Variants in ANO2 observed in about 807,000 individuals in gnomAD.
ANO2 encodes anoctamin 2.
Under a neutral mutation model 124.2 loss-of-function variants are expected in ANO2, and 101 were observed. The observed-to-expected ratio is 0.81, with a 90% CI of 0.69 to 0.96. The LOEUF (loss-of-function observed/expected upper bound fraction) is 0.96. ANO2 is among the 40% of genes least tolerant of loss of function. ANO2 has a pLI of 0.00. For missense variants in ANO2, 1,293 were observed against 1,274.5 expected (o/e 1.01, Z -0.22); for synonymous variants, 486 against 482.5 (o/e 1.01, Z -0.09).
At chr12:5,921,584 A>G (rs1941704060) in intron 2 of ANO2, among the ~76,000 whole-genome samples, 1 of 152,164 alleles carries the variant, frequency 6.6e-6, no homozygotes, top group Non-Finnish European at 1.5e-5. Flanking sequence ...CAGTCTGGGC[A>G]TCGGTGCCTT....
chr12:5,834,222 A>T (rs1246575201), intron 4 of ANO2, among the ~76,000 whole-genome samples: 1 of 152,244 alleles, frequency 6.6e-6, no homozygotes, highest in African/African-American at 2.4e-5. Context: ...TTAGGCTACT[A>T]AGTGTGGGCT....
intron 7 of ANO2, among the ~76,000 whole-genome samples, chr12:5,813,231 G>T (rs1054509632): frequency 8.5e-5 from 13 of 152,138 alleles, no homozygotes; most frequent in African/African-American, 2.7e-4. Context: ...GGTTATCTTT[G>T]GGGGGTCAGA....
chr12:5,874,494 C>A (rs1488535499), intron 3 of ANO2, among the ~76,000 whole-genome samples: 3 of 152,196 alleles, frequency 2.0e-5, no homozygotes, highest in African/African-American at 7.2e-5. Flanking sequence ...CTCAACAGGG[C>A]CTCAAATCCA....
At chr12:5,759,388 CA>C (rs1951674364) in intron 10 of ANO2, among the ~76,000 whole-genome samples, 3 of 151,906 alleles carry the variant, frequency 2.0e-5, no homozygotes, top group Admixed American at 2.0e-4. Flanking sequence ...AGAAACTATG[CA>C]AGCCAAAAGT....
intron 10 of ANO2, among the ~76,000 whole-genome samples, chr12:5,777,861 A>G (rs914493504): frequency 6.6e-6 from 1 of 152,194 alleles, no homozygotes. Context: ...TGGTCTGCCC[A>G]AGGGGACAAA....
chr12:5,858,853 G>C (rs987763828), intron 3 of ANO2, among the ~76,000 whole-genome samples: 8 of 152,238 alleles, frequency 5.3e-5, no homozygotes, highest in Non-Finnish European at 1.0e-4. Flanking sequence ...GCAGGTCCTT[G>C]CTGGGGAAAA....
intron 3 of ANO2, among the ~76,000 whole-genome samples, chr12:5,894,853 T>TCTGTTTTGGTACCAATACCATG (rs1166200327): frequency 6.6e-6 from 1 of 152,200 alleles, no homozygotes; most frequent in African/African-American, 2.4e-5. Flanking sequence ...GGTCTATATA[T>TCTGTTTTGGTACCAATACCATG]CTGTTTTGGT....
intron 14 of ANO2, among the ~76,000 whole-genome samples, chr12:5,696,525 T>A (rs1308077570): frequency 6.6e-6 from 1 of 152,224 alleles, no homozygotes; most frequent in Non-Finnish European, 1.5e-5. Flanking sequence ...ACATTTTTTT[T>A]AAATGAGTTT....
At chr12:5,873,196 GCTCTCTCTCTCTCTCTCTCTCT>G (rs57038931) in intron 3 of ANO2, among the ~76,000 whole-genome samples, 235 of 118,744 alleles carry the variant, frequency 2.0e-3, no homozygotes, top group Admixed American at 2.9e-3. Flanking sequence ...GCCTAAAGCA[GCTCTCTCTCTCTCTCTCTCTCT>G]CTCTCTCTCT....
intron 14 of ANO2, among the ~76,000 whole-genome samples, chr12:5,666,854 C>T (rs111414676): frequency 0.12 from 17,432 of 143,614 alleles, 1,104 homozygotes; most frequent in Middle Eastern, 0.21. Context: ...GGGCTTTGGC[C>T]GTTGGACAAT....
rs17788563 is a variant in ANO2 at position 5,744,308 on chromosome 12, C to T, written c.1200G>A (p.Met400Ile). 4,257 of 1,613,954 alleles carry T rather than the reference C, an allele frequency of 2.6e-3. 90 individuals are homozygous for T. In the Admixed American group the frequency reaches 0.04, roughly 15 times the overall value. ...TIEEDIPSRE[M>I]CDQQNAFTMC... ...TGGTGAAGGCATTCTGCTGGTCACA[C>T]ATCTCTCTGCTGCAATAGATGGAGG... is the stretch of plus-strand genomic sequence containing the variant. The change falls in exon 12 of 25, where the codon ATG (methionine) becomes ATA (isoleucine). Residue 400 changes from methionine (M) to isoleucine (I), a missense_variant. Coordinates refer to ENST00000682330, the MANE Select transcript of ANO2 (RefSeq NM_001364791.2).
At chr12:5,734,302 G>C (rs1425092128) in intron 13 of ANO2, among the ~76,000 whole-genome samples, 2 of 152,250 alleles carry the variant, frequency 1.3e-5, no homozygotes, top group African/African-American at 2.4e-5. Context: ...ACTTAGAGAA[G>C]TATGGTTTGA....
At chr12:5,609,645 A>G (rs1032540067) in intron 19 of ANO2, among the ~76,000 whole-genome samples, 3 of 151,994 alleles carry the variant, frequency 2.0e-5, no homozygotes, top group Admixed American at 6.6e-5. Flanking sequence ...TGGGATATAC[A>G]TCCTTTAGTG....
At chr12:5,609,178 G>A (rs1003762085) in intron 19 of ANO2, 3 of 152,190 alleles carry the variant, frequency 2.0e-5, no homozygotes, top group Admixed American at 1.3e-4. Context: ...GCATCATCTA[G>A]CTTTGCTTGA....
intron 3 of ANO2, chr12:5,856,374 G>C (rs1428026022): frequency 6.6e-6 from 1 of 152,148 alleles, no homozygotes; most frequent in African/African-American, 2.4e-5. Context: ...GTTTGAGGTA[G>C]GGTTGGGAGG....
intron 1 of ANO2, among the ~76,000 whole-genome samples, chr12:5,937,229 C>A (rs865901909): frequency 1.0e-3 from 158 of 152,236 alleles, no homozygotes; most frequent in African/African-American, 3.7e-3. Context: ...GAGTTATCTC[C>A]TGACTTTTTT....
chr12:5,941,630 T>G (rs768696648), intron 1 of ANO2, among the ~76,000 whole-genome samples: 5 of 151,542 alleles, frequency 3.3e-5, no homozygotes, highest in Admixed American at 2.0e-4. Context: ...ATACAATAAC[T>G]TGTAATAACA....
At chr12:5,872,361 T>C (rs1373019128) in intron 3 of ANO2, among the ~76,000 whole-genome samples, 1 of 152,090 alleles carries the variant, frequency 6.6e-6, no homozygotes, top group African/African-American at 2.4e-5. Context: ...GGTCCCTCAC[T>C]CAGGGAATAC....
chr12:5,909,615 A>G (rs187543981), intron 3 of ANO2, among the ~76,000 whole-genome samples: 1 of 152,336 alleles, frequency 6.6e-6, no homozygotes, highest in Non-Finnish European at 1.5e-5. Context: ...ACTAAACAAC[A>G]TGCTTCCAAA....
Sources: gnomAD v4.1 joint callset for allele counts (sites outside exome capture counted in the v4.1 genomes callset) on GRCh38, gnomAD v4.1.1 for gene constraint, MANE v1.5 for transcripts, NCBI Gene and HGNC (gene_info 2026-07-23, HGNC 2026-07-21) for gene names.